Variants in SEC31B observed in about 807,000 individuals in gnomAD.
The protein encoded by SEC31B is protein transport protein Sec31B.
In SEC31B, 113 loss-of-function variants were observed where a neutral mutation model predicts 135.0. The ratio of observed to expected loss-of-function variants is 0.84; its 90% confidence interval spans 0.72 to 0.98. SEC31B has a LOEUF of 0.98. Ranked by LOEUF, SEC31B falls within the 50% of genes least tolerant of loss-of-function variation. The pLI is 0.00. For missense variants in SEC31B, 1,296 were observed against 1,421.1 expected (o/e 0.91, Z 1.42); for synonymous variants, 508 against 549.4 (o/e 0.92, Z 1.05).
chr10:100,518,699 G>C (rs564752760), intron 1 of SEC31B, among the ~76,000 whole-genome samples: 2 of 152,352 alleles, frequency 1.3e-5, no homozygotes, highest in South Asian at 4.1e-4. Flanking sequence ...CACTGAACTT[G>C]AGGAGAAAGC....
chr10:100,497,606 C>T (rs1589733595), intron 16 of SEC31B, 61 bp downstream of exon 16: 9 of 1,612,106 alleles, frequency 5.6e-6, no homozygotes, highest in Non-Finnish European at 6.8e-6. Context: ...CTCCTGCATG[C>T]ATCCTTTGAC....
At chr10:100,504,908 A>C (rs996511980) in intron 10 of SEC31B, among the ~76,000 whole-genome samples, 2 of 152,166 alleles carry the variant, frequency 1.3e-5, no homozygotes, top group African/African-American at 4.8e-5. Context: ...ACATATGAGA[A>C]TGAGACAGAA....
chr10:100,513,022 A>G (rs1162104706), intron 3 of SEC31B, among the ~76,000 whole-genome samples: 1 of 152,206 alleles, frequency 6.6e-6, no homozygotes, highest in Non-Finnish European at 1.5e-5. Context: ...AAAGCAAAGG[A>G]CGAGTGTCCC....
intron 11 of SEC31B, among the ~76,000 whole-genome samples, chr10:100,500,376 G>A (rs1412628481): frequency 1.3e-5 from 2 of 151,504 alleles, no homozygotes; most frequent in African/African-American, 4.9e-5. Flanking sequence ...GTACAGTGGC[G>A]CCATGTCGGC....
rs189680650 is a variant in SEC31B at position 100,497,191 on chromosome 10, G to A, written c.2080C>T (p.Arg694Trp). 2.3e-4 allele frequency: 365 copies of A among 1,614,166 alleles called. No individual in the cohort carries two copies. Among genetic ancestry groups the A allele is most frequent in the Middle Eastern group, 1.6e-4 (1 of 6,062 alleles). Reference sequence around the variant, plus strand: ...CATTTTGCCCAGCACTCCACCAGCCGCTCCACACTCCCTGAGCACACATAA... The same window carrying A: ...CATTTTGCCCAGCACTCCACCAGCCACTCCACACTCCCTGAGCACACATAA... The part of the protein sequence containing the change: ...LCYVCSGSVE[R>W]LVECWAKCHQ... Residue 694 changes from arginine to tryptophan, a missense_variant, in exon 17 of 26, where the codon CGG becomes TGG. By Grantham distance (101) the Arg-to-Trp change is moderately radical. Coordinates refer to ENST00000370345, the MANE Select transcript of SEC31B (RefSeq NM_015490.4).
intron 9 of SEC31B, 80 bp downstream of exon 9, chr10:100,505,960 C>T (rs961906954): frequency 2.9e-5 from 46 of 1,589,818 alleles, no homozygotes; most frequent in Admixed American, 1.2e-4. Context: ...CCAATATCTC[C>T]GCTTCTCAAG....
intron 13 of SEC31B, 32 bp from the exon 14 acceptor site, chr10:100,498,836 G>C (rs1370960574): frequency 6.6e-7 from 1 of 1,505,738 alleles, no homozygotes. Flanking sequence ...TGACTACTTA[G>C]GGATGAACCC....
In SEC31B at chr10:100,496,322, T is replaced by C. The variant is rs1229928926; in HGVS notation, c.2246A>G (p.Asn749Ser). 6.2e-7 allele frequency: 1 copy of C among 1,614,088 alleles called. No homozygotes were observed. Among genetic ancestry groups the C allele is most frequent in the South Asian group, 1.1e-5 (1 of 91,076 alleles). Residue 749 changes from asparagine (N) to serine (S), a missense_variant, in exon 18 of 26, where the codon AAC becomes AGC. Asn to Ser is a conservative substitution (Grantham distance 46, BLOSUM62 1). Coordinates refer to ENST00000370345, the MANE Select transcript of SEC31B (RefSeq NM_015490.4). The stretch of plus-strand genomic sequence containing the variant: ...CAGGCTGCCCTGGGCTGCCAGGAGG[T>C]TGGCATACTGAGTGACCCTGTAGGT... Reference protein sequence around the residue: ...ATTYRVTQYANLLAAQGSLAT... With the variant: ...ATTYRVTQYASLLAAQGSLAT...
intron 7 of SEC31B, 142 bp downstream of exon 7, chr10:100,507,283 A>C: frequency 1.0e-6 from 1 of 967,528 alleles, no homozygotes; most frequent in Non-Finnish European, 1.6e-6. Context: ...TGGAGTAGGT[A>C]TTGGGTGACT....
rs751477402 is a variant in SEC31B at position 100,489,315 on chromosome 10, T to C, written c.3108A>G (p.Ser1036=). ...GACTCACACTGGAGACAGGGGGCTG[T>C]GAGGGAAGAATCCCTTGTAGCTCAG... ...LTPELQGILP[S]QPPVSSVSHA... is the part of the protein sequence containing the mutation. Residue 1036 remains serine (S), a synonymous_variant, in exon 23 of 26, where the codon TCA becomes TCG. Coordinates refer to ENST00000370345, the MANE Select transcript of SEC31B (RefSeq NM_015490.4). The C allele has an allele frequency of 1.2e-6, 2 of 1,613,824 alleles. No individual in the cohort carries two copies. Among genetic ancestry groups the C allele is most frequent in the Admixed American group, 1.7e-5 (1 of 59,946 alleles).
At chr10:100,499,914 A>C (rs1448967560) in intron 11 of SEC31B, among the ~76,000 whole-genome samples, 4 of 152,218 alleles carry the variant, frequency 2.6e-5, no homozygotes, top group Non-Finnish European at 5.9e-5. Context: ...GTGATTGGTA[A>C]CTTGCATCTG....
Position 100,489,723 on chromosome 10 carries a change from C to T in SEC31B, c.3004G>A (p.Gly1002Arg). 6.2e-7 allele frequency: 1 copy of T among 1,614,032 alleles called. No individual in the cohort carries two copies. Among genetic ancestry groups the T allele is most frequent in the Non-Finnish European group, 8.5e-7 (1 of 1,179,996 alleles). The change falls in exon 22 of 26, where the codon GGA becomes AGA. Residue 1002 changes from glycine (G) to arginine (R), a missense_variant. Transcript: ENST00000370345. ...TTGACCTTGTTCCTCTGGAGGTTTC[C>T]CCTGGGGGCTGGGGCTTCTTTCCAG... ...DSWKEAPAPR[G>R]NLQRNKLPET...
At chr10:100,515,846 T>C (rs1200779534) in intron 3 of SEC31B, among the ~76,000 whole-genome samples, 1 of 151,802 alleles carries the variant, frequency 6.6e-6, no homozygotes, top group Non-Finnish European at 1.5e-5. Flanking sequence ...TACACGTGGG[T>C]CCAGGCTTGT....
Position 100,497,754 on chromosome 10 carries a change from C to A in SEC31B, c.1903G>T (p.Val635Leu). The A allele has an allele frequency of 4.3e-6, 7 of 1,614,186 alleles. No homozygotes were observed. Among genetic ancestry groups the A allele is most frequent in the Non-Finnish European group, 5.9e-6 (7 of 1,180,018 alleles). Residue 635 changes from valine to leucine, a missense_variant, in exon 16 of 26, where the codon GTG becomes TTG. Transcript: ENST00000370345. ...CVVQKNWKDV[V>L]CTCSLKNWRE... is the part of the protein sequence containing the mutation. ...CAGTTCTTCAGGCTACAGGTACACA[C>A]CACATCCTTCCAATTCTTTTGCACA...
At chr10:100,489,673 G>A (rs375364195) in intron 22 of SEC31B, 30 bp downstream of exon 22, 320 of 1,614,100 alleles carry the variant, frequency 2.0e-4, no homozygotes, top group Non-Finnish European at 2.6e-4. Context: ...GTGAATGTGC[G>A]AGGGAGTGGG....
intron 6 of SEC31B, 103 bp downstream of exon 6, chr10:100,507,805 G>A (rs1441210214): frequency 1.5e-5 from 23 of 1,513,084 alleles, no homozygotes; most frequent in South Asian, 5.9e-5. Context: ...CCACATGTCC[G>A]ACAGCTGAAA....
In SEC31B at chr10:100,490,725, C is replaced by G. The variant is rs746295731; in HGVS notation, c.2631G>C (p.Leu877Phe). 2 of 1,593,430 alleles carry G rather than the reference C, an allele frequency of 1.3e-6. No individual in the cohort carries two copies. Among genetic ancestry groups the G allele is most frequent in the East Asian group, 4.5e-5 (2 of 44,202 alleles). The change falls in exon 20 of 26, where the codon TTG becomes TTC. Residue 877 changes from leucine (L) to phenylalanine (F), a missense_variant. Leu to Phe is a conservative substitution (Grantham distance 22). Coordinates refer to ENST00000370345, the MANE Select transcript of SEC31B (RefSeq NM_015490.4). ...ACTCACCAGGCCTTACCCCAGGGCT[C>G]AAAGGCAAAGGCTGGATGGCCTGGG... ...PGPQAIQPLP[L>F]SPGVRPASSQ...
intron 3 of SEC31B, 42 bp from the exon 4 acceptor site, chr10:100,509,553 A>G: frequency 1.3e-6 from 2 of 1,506,740 alleles, no homozygotes; most frequent in Non-Finnish European, 1.8e-6. Flanking sequence ...ACTTAGGTTC[A>G]TGTCAGTAAG....
intron 13 of SEC31B, 33 bp downstream of exon 13, chr10:100,499,127 C>T: frequency 6.3e-7 from 1 of 1,575,544 alleles, no homozygotes. Flanking sequence ...TCCTGTGTTA[C>T]CATAGGTCAG....
Sources: allele counts gnomAD v4.1 joint callset (sites outside exome capture counted in the v4.1 genomes callset), GRCh38; gene constraint gnomAD v4.1.1; transcripts MANE v1.5; gene names NCBI Gene and HGNC (gene_info 2026-07-23, HGNC 2026-07-21).